The following CHST11 variants were observed in gnomAD, a reference collection of about 807,000 sequenced individuals.
The protein encoded by CHST11 is carbohydrate sulfotransferase 11.
CHST11 carries 9 observed loss-of-function variants against 30.4 expected under a neutral mutation model. The observed-to-expected ratio is 0.30, with a 90% CI of 0.18 to 0.52. CHST11 has a LOEUF of 0.52. Among genes scored for constraint, CHST11 ranks in the 20% least tolerant of loss-of-function variants. The pLI is 0.97. For synonymous variants in CHST11, 152 were observed against 187.8 expected (o/e 0.81, Z 1.56); for missense variants, 348 against 460.6 (o/e 0.76, Z 2.24).
chr12:104,525,762 G>A (rs897233005), intron 1 of CHST11, among the ~76,000 whole-genome samples: 1 of 152,156 alleles, frequency 6.6e-6, no homozygotes, highest in Non-Finnish European at 1.5e-5. Flanking sequence ...TCATTGGAGG[G>A]TTTCTGTGGA....
At chr12:104,499,163 T>C (rs948781177) in intron 1 of CHST11, among the ~76,000 whole-genome samples, 1 of 152,236 alleles carries the variant, frequency 6.6e-6, no homozygotes, top group Non-Finnish European at 1.5e-5. Flanking sequence ...CAGCAAATAC[T>C]TCTTTTTATG....
At chr12:104,738,361 G>C (rs1429333549) in intron 2 of CHST11, among the ~76,000 whole-genome samples, 7 of 152,214 alleles carry the variant, frequency 4.6e-5, no homozygotes, top group Non-Finnish European at 1.0e-4. Context: ...TTCGGCGCCA[G>C]CTCACTCCTC....
intron 2 of CHST11, among the ~76,000 whole-genome samples, chr12:104,752,281 C>A (rs1231828310): frequency 2.6e-5 from 4 of 152,158 alleles, no homozygotes; most frequent in Non-Finnish European, 4.4e-5. Flanking sequence ...GTCTCTGTGT[C>A]TCTGCTTTCT....
chr12:104,511,811 C>T (rs2037968631), intron 1 of CHST11, among the ~76,000 whole-genome samples: 1 of 152,162 alleles, frequency 6.6e-6, no homozygotes. Flanking sequence ...TTAGCAAATG[C>T]AGGACTCAGT....
At chr12:104,573,968 G>A (rs377526857) in intron 1 of CHST11, among the ~76,000 whole-genome samples, 5 of 152,090 alleles carry the variant, frequency 3.3e-5, no homozygotes, top group Middle Eastern at 3.4e-3. Context: ...TCATCTGACA[G>A]AGGGCTAATA....
intron 2 of CHST11, among the ~76,000 whole-genome samples, chr12:104,712,906 A>G (rs1165317856): frequency 6.6e-6 from 1 of 152,158 alleles, no homozygotes; most frequent in Non-Finnish European, 1.5e-5. Flanking sequence ...GGCTGGGGAC[A>G]GGGGGATTGT....
chr12:104,457,395 G>A lies in CHST11; in HGVS notation c.-17G>A, dbSNP rs753313257. 10 of 1,598,056 alleles carry A rather than the reference G, an allele frequency of 6.3e-6. No individual in the cohort carries two copies. Among genetic ancestry groups the A allele is most frequent in the Admixed American group, 3.4e-5 (2 of 59,638 alleles). ...GCGCTTCCCGGACACCCCGGTCCCC[G>A]CAGCCAGGACAAAGCCATGAAGCCA... On this transcript the variant is annotated 5_prime_UTR_variant, in exon 1 of 3. Coordinates refer to ENST00000303694, the MANE Select transcript of CHST11 (RefSeq NM_018413.6).
chr12:104,722,155 A>AGTGTGTGTGTGTGTGT (rs57545833), intron 2 of CHST11, among the ~76,000 whole-genome samples: 8,095 of 137,436 alleles, frequency 0.059, 464 homozygotes, highest in African/African-American at 0.11. Context: ...CACTCAGCTA[A>AGTGTGTGTGTGTGTGT]GTGTGTGTGT....
chr12:104,514,102 T>C (rs1246707965), intron 1 of CHST11: 2 of 1,184,916 alleles, frequency 1.7e-6, no homozygotes, highest in Non-Finnish European at 2.5e-6. Context: ...ATCAGGCCTG[T>C]GTCTGCCTCC....
intron 2 of CHST11, among the ~76,000 whole-genome samples, chr12:104,679,762 G>A (rs778444952): frequency 5.3e-5 from 8 of 152,170 alleles, no homozygotes; most frequent in Non-Finnish European, 1.2e-4. Context: ...CACAGAGAAA[G>A]ACGCAATGGA....
intron 1 of CHST11, among the ~76,000 whole-genome samples, chr12:104,466,517 T>C (rs1159524785): frequency 1.3e-5 from 2 of 152,222 alleles, no homozygotes; most frequent in Non-Finnish European, 2.9e-5. Context: ...GGCAAGAAGA[T>C]GGCCTCTCTG....
chr12:104,695,421 T>A (rs2039934828), intron 2 of CHST11, among the ~76,000 whole-genome samples: 1 of 150,506 alleles, frequency 6.6e-6, no homozygotes, highest in Admixed American at 6.7e-5. Context: ...AGAAAACTCA[T>A]GAAAACACAA....
chr12:104,600,899 C>G lies in CHST11; in HGVS notation c.119-1007C>G, dbSNP rs2038951748. On this transcript the variant is annotated intron_variant, in intron 1 of 2. Transcript: ENST00000303694. This position sits in a 1 kb window ranked among gnomAD's most constrained non-coding sequence, Gnocchi z 4.1. ...TCTTCCTTCCCTCCCTTCTTCCCTC[C>G]TTCCTCCTTCTCGGCTTCCTTTTTT... 6.6e-6 allele frequency among the ~76,000 whole-genome samples: 1 copy of G among 151,024 alleles called. No homozygotes were observed. Among genetic ancestry groups the G allele is most frequent in the Non-Finnish European group, 1.5e-5 (1 of 67,748 alleles).
At chr12:104,472,431 G>T (rs536367220) in intron 1 of CHST11, among the ~76,000 whole-genome samples, 128 of 152,024 alleles carry the variant, frequency 8.4e-4, no homozygotes, top group African/African-American at 2.9e-3. Flanking sequence ...AGTCATTTCA[G>T]GCCTCTAAGG....
At chr12:104,499,599 A>T (rs562465376) in intron 1 of CHST11, among the ~76,000 whole-genome samples, 1 of 152,206 alleles carries the variant, frequency 6.6e-6, no homozygotes, top group South Asian at 2.1e-4. Context: ...CTGGTGGGTC[A>T]TGAGTGGAAA....
chr12:104,644,667 CT>C (rs1337434144), intron 2 of CHST11, among the ~76,000 whole-genome samples: 8 of 152,246 alleles, frequency 5.3e-5, no homozygotes, highest in Admixed American at 4.6e-4. Context: ...AGTCCTGGCC[CT>C]GGCCCTGGCA....
At position 104,729,222 on chromosome 12, in the gene CHST11, C is replaced by A. The variant is rs2040237859; in HGVS notation, c.205-27727C>A. Among the ~76,000 whole-genome samples the A allele has an allele frequency of 6.6e-6, 1 of 152,160 alleles. No individual in the cohort carries two copies. Among genetic ancestry groups the A allele is most frequent in the African/African-American group, 2.4e-5 (1 of 41,450 alleles). On this transcript the variant is annotated intron_variant, in intron 2 of 2. Coordinates refer to ENST00000303694, the MANE Select transcript of CHST11 (RefSeq NM_018413.6). The surrounding 1 kb of genome is among the most constrained non-coding windows in gnomAD (Gnocchi z 4.0). ...AGAATGACCAACAGACTAGGGGAGA[C>A]TGACCTCCTGCCCCACATACTCTGT... is the stretch of plus-strand genomic sequence containing the variant.
intron 2 of CHST11, among the ~76,000 whole-genome samples, chr12:104,607,283 A>G (rs1431307691): frequency 6.6e-6 from 1 of 152,128 alleles, no homozygotes; most frequent in African/African-American, 2.4e-5. Context: ...TTTTAGATTG[A>G]TAAAAGCTTG....
intron 2 of CHST11, among the ~76,000 whole-genome samples, chr12:104,742,830 G>A (rs537574235): frequency 4.6e-5 from 7 of 152,338 alleles, no homozygotes; most frequent in Admixed American, 2.0e-4. Context: ...CTCACCAGAC[G>A]GGTGGAAAGT....
Sources: gnomAD v4.1 joint callset for allele counts (sites outside exome capture counted in the v4.1 genomes callset) on GRCh38, gnomAD v4.1.1 for gene constraint, Gnocchi (gnomAD v3.1) non-coding constraint, MANE v1.5 for transcripts, NCBI Gene and HGNC (gene_info 2026-07-23, HGNC 2026-07-21) for gene names.